NYAP2: variants seen among roughly 807,000 people sequenced by gnomAD.
NYAP2 encodes the protein neuronal tyrosine-phosphorylated phosphoinositide-3-kinase adaptor 2, also known as neuronal tyrosine-phosphorylated phosphoinositide-3-kinase adapter 2.
A neutral mutation model predicts 50.4 loss-of-function variants in NYAP2; 23 were observed. The observed-to-expected ratio is 0.46, with a 90% CI of 0.33 to 0.65. NYAP2 has a LOEUF of 0.65. NYAP2 is among the 30% of genes least tolerant of loss of function. The pLI is 0.02. For missense variants in NYAP2, 885 were observed against 861.0 expected, an observed-to-expected ratio of 1.03 and a Z score of -0.35; for synonymous variants, 394 against 365.2, an observed-to-expected ratio of 1.08 and a Z score of -0.90.
chr2:225,518,770 G>C (rs1037112940), intron 4 of NYAP2, among the ~76,000 whole-genome samples: 15 of 151,480 alleles, frequency 9.9e-5, no homozygotes, highest in African/African-American at 3.4e-4. Context: ...TATAATCCCA[G>C]CACTTTAGGA....
Position 225,505,930 on chromosome 2 carries a change from G to A in NYAP2, c.222-7441G>A, listed in dbSNP as rs974639436. ...CCGGACTTCTGGCCAGTGCAGCTTC[G>A]TGTATGCCCTGGTTTCACTCTGATT... is the stretch of plus-strand genomic sequence containing the variant. On this transcript the variant is annotated intron_variant, in intron 3 of 6. Transcript: ENST00000636099. Among the ~76,000 whole-genome samples, 4 of 152,160 alleles carry A rather than the reference G, an allele frequency of 2.6e-5. No homozygotes were observed. The South Asian group carries it at 6.2e-4, about 24-fold the overall frequency.
At chr2:225,430,838 T>C (rs1160349390) in intron 3 of NYAP2, among the ~76,000 whole-genome samples, 5 of 152,208 alleles carry the variant, frequency 3.3e-5, no homozygotes, top group Non-Finnish European at 7.4e-5. Context: ...CATAAGTTAA[T>C]TGGCTAGATT....
intron 3 of NYAP2, among the ~76,000 whole-genome samples, chr2:225,497,770 G>A (rs1247623269): frequency 6.6e-6 from 1 of 152,134 alleles, no homozygotes; most frequent in Non-Finnish European, 1.5e-5. Context: ...CAATGTACAT[G>A]TACATGCATG....
intron 6 of NYAP2, among the ~76,000 whole-genome samples, chr2:225,630,051 A>AC (rs1179617726): frequency 8.5e-5 from 13 of 152,198 alleles, no homozygotes; most frequent in African/African-American, 3.1e-4. Flanking sequence ...AACTTGAAAC[A>AC]ATGAGTTTCT....
At chr2:225,511,758 ATTATTG>A (rs1231505558) in intron 3 of NYAP2, among the ~76,000 whole-genome samples, 1 of 152,212 alleles carries the variant, frequency 6.6e-6, no homozygotes, top group Non-Finnish European at 1.5e-5. Flanking sequence ...CTCATTTTTC[ATTATTG>A]TTCCTACTGG....
chr2:225,456,038 T>C (rs150105671), intron 3 of NYAP2, among the ~76,000 whole-genome samples: 26 of 152,326 alleles, frequency 1.7e-4, no homozygotes, highest in African/African-American at 5.8e-4. Context: ...CCCAGGCAGG[T>C]TGGTCTCCCA....
At chr2:225,455,515 G>A (rs942050463) in intron 3 of NYAP2, among the ~76,000 whole-genome samples, 2 of 152,014 alleles carry the variant, frequency 1.3e-5, no homozygotes, top group African/African-American at 4.8e-5. Flanking sequence ...TAATTTTATT[G>A]TCAATGGGCA....
intron 3 of NYAP2, among the ~76,000 whole-genome samples, chr2:225,422,680 T>G (rs1164779311): frequency 6.6e-6 from 1 of 151,792 alleles, no homozygotes; most frequent in Non-Finnish European, 1.5e-5. Flanking sequence ...AAAAGTATAG[T>G]CAATACAAAA....
intron 2 of NYAP2, among the ~76,000 whole-genome samples, chr2:225,404,126 C>A (rs971178951): frequency 5.3e-5 from 8 of 151,856 alleles, no homozygotes; most frequent in African/African-American, 1.7e-4. Context: ...TAGATTGAGA[C>A]CACACGCAAT....
the NYAP2 span, among the ~76,000 whole-genome samples, chr2:225,671,552 AAGG>A: frequency 6.6e-6 from 1 of 152,104 alleles, no homozygotes; most frequent in Non-Finnish European, 1.5e-5. Flanking sequence ...AGTCATCCAA[AAGG>A]TTGAGATCAA....
chr2:225,499,075 G>A (rs577618378), intron 3 of NYAP2, among the ~76,000 whole-genome samples: 6 of 142,360 alleles, frequency 4.2e-5, no homozygotes, highest in African/African-American at 1.6e-4. Flanking sequence ...ATCATAAAAG[G>A]GGAAACAGAA....
chr2:225,701,730 T>G, the NYAP2 span: 1 of 151,888 alleles, frequency 6.6e-6, no homozygotes, highest in Admixed American at 6.6e-5. Context: ...AGATTTAAAT[T>G]TGTAGTTTTA....
chr2:225,666,063 A>G, the NYAP2 span, among the ~76,000 whole-genome samples: 1 of 152,004 alleles, frequency 6.6e-6, no homozygotes, highest in Non-Finnish European at 1.5e-5. Flanking sequence ...AGCTCTGAAG[A>G]CCATCATCTG....
the NYAP2 span, chr2:225,698,795 G>A: frequency 6.6e-6 from 1 of 151,844 alleles, no homozygotes; most frequent in Non-Finnish European, 1.5e-5. Flanking sequence ...GGTGACATCT[G>A]AAATAATACA....
At chr2:225,606,424 C>T (rs761367196) in intron 5 of NYAP2, among the ~76,000 whole-genome samples, 10 of 152,240 alleles carry the variant, frequency 6.6e-5, no homozygotes, top group Middle Eastern at 3.4e-3. Flanking sequence ...ACAGGAACTT[C>T]GATTTTGTTC....
chr2:225,554,139 T>G (rs1013585100), intron 4 of NYAP2, among the ~76,000 whole-genome samples: 1 of 152,130 alleles, frequency 6.6e-6, no homozygotes, highest in Non-Finnish European at 1.5e-5. Flanking sequence ...ATTTTCATTT[T>G]TCAGTGGCAA....
chr2:225,627,178 T>C, intron 6 of NYAP2, 52 bp downstream of exon 6: 1 of 1,310,582 alleles, frequency 7.6e-7, no homozygotes. Flanking sequence ...CTCTAGAGAC[T>C]ACTTTCATGC....
intron 3 of NYAP2, among the ~76,000 whole-genome samples, chr2:225,506,326 ATGGGGC>A (rs1690706249): frequency 6.6e-6 from 1 of 152,196 alleles, no homozygotes; most frequent in African/African-American, 2.4e-5. Flanking sequence ...CTCAAGGCCA[ATGGGGC>A]TGGGGAGAGC....
chr2:225,480,917 G>T (rs1273481675), intron 3 of NYAP2, among the ~76,000 whole-genome samples: 1 of 152,036 alleles, frequency 6.6e-6, no homozygotes, highest in Non-Finnish European at 1.5e-5. Flanking sequence ...CTTAAATTGA[G>T]AGTAAACACC....
Sources: allele counts gnomAD v4.1 joint callset (sites outside exome capture counted in the v4.1 genomes callset), GRCh38; gene constraint gnomAD v4.1.1; transcripts MANE v1.5; gene names NCBI Gene and HGNC (gene_info 2026-07-23, HGNC 2026-07-21).